Variants in COL15A1 observed in about 807,000 individuals in gnomAD.
COL15A1 encodes the protein collagen alpha-1(XV) chain.
A neutral mutation model predicts 165.9 loss-of-function variants in COL15A1; 111 were observed. The ratio of observed to expected loss-of-function variants is 0.67; its 90% confidence interval spans 0.57 to 0.78. COL15A1 has a LOEUF of 0.78. Among genes scored for constraint, COL15A1 ranks in the 30% least tolerant of loss-of-function variants. The pLI is 0.00. For synonymous variants in COL15A1, 659 were observed against 674.8 expected (o/e 0.98, Z 0.36); for missense variants, 1,745 against 1,789.7 (o/e 0.98, Z 0.45).
chr9:98,995,208 T>G (rs760375067), intron 5 of COL15A1, among the ~76,000 whole-genome samples: 9 of 152,126 alleles, frequency 5.9e-5, no homozygotes, highest in Non-Finnish European at 1.2e-4. Flanking sequence ...TTATCTTCCC[T>G]GCTAGATGAA....
At position 99,015,987 on chromosome 9, in the gene COL15A1, TGAA is replaced by T; in HGVS notation, c.1521_1523del (p.Glu507del). On this transcript the variant is annotated inframe_deletion, in exon 11 of 42. Coordinates refer to ENST00000375001, the MANE Select transcript of COL15A1 (RefSeq NM_001855.5). ...GGTTTTGTTTTCAGGGTCCTGGTGA[TGAA>T]GAAGACTTGGCAGCAGCCACAACAG... The T allele has an allele frequency of 1.2e-6, 2 of 1,613,664 alleles. No homozygotes were observed. Among genetic ancestry groups the T allele is most frequent in the South Asian group, 1.1e-5 (1 of 91,018 alleles).
At position 99,015,555 on chromosome 9, in the gene COL15A1, G is replaced by A. The variant is rs1187447712; in HGVS notation, c.1492G>A (p.Ala498Thr). ...PLTATMAPER[A>T]VTSGPGDEED... ...CACAGCCACCATGGCCCCTGAGCGG[G>A]CAGTCACTTCTGTAAGTGTCATCTT... is the stretch of plus-strand genomic sequence containing the variant. Residue 498 changes from alanine to threonine, a missense_variant, in exon 10 of 42, where the codon GCA becomes ACA. Transcript: ENST00000375001. 3 of 1,613,568 alleles carry A rather than the reference G, an allele frequency of 1.9e-6. No homozygotes were observed. The highest frequency in any genetic ancestry group is 1.7e-4 in the Middle Eastern group (1 of 5,902).
In COL15A1 at chr9:98,983,608, G is replaced by A. The variant is rs117678170; in HGVS notation, c.101-1957G>A. Reference sequence around the variant, plus strand: ...CTTTATAAGGGAGCTCAAGGGCACAGAGGCAGGCTCCCATGTCAGCCTCAC... The same window carrying A: ...CTTTATAAGGGAGCTCAAGGGCACAAAGGCAGGCTCCCATGTCAGCCTCAC... On this transcript the variant is annotated intron_variant, in intron 2 of 41. Coordinates refer to ENST00000375001, the MANE Select transcript of COL15A1 (RefSeq NM_001855.5). Among the ~76,000 whole-genome samples the A allele has an allele frequency of 3.2e-3, 482 of 152,324 alleles. 1 individual carries two copies. The highest frequency in any genetic ancestry group is 5.7e-3 in the Non-Finnish European group (389 of 68,024).
chr9:98,954,992 AT>A, intron 2 of COL15A1, among the ~76,000 whole-genome samples: 1 of 152,310 alleles, frequency 6.6e-6, no homozygotes, highest in East Asian at 1.9e-4. Context: ...TTTTCAGGAA[AT>A]TAGAATGTGA....
At position 99,020,403 on chromosome 9, in the gene COL15A1, T is replaced by A; in HGVS notation, c.1662T>A (p.His554Gln). 7 of 1,613,430 alleles carry A rather than the reference T, an allele frequency of 4.3e-6. No individual in the cohort carries two copies. Among genetic ancestry groups the A allele is most frequent in the South Asian group, 1.1e-5 (1 of 91,078 alleles). ...ERWITPAQRE[H>Q]VGMKGQAGPK... The stretch of plus-strand genomic sequence containing the variant: ...TCTTCTTTTAGGCTCAAAGAGAACA[T>A]GTGGGAATGAAAGGACAGGCTGGGC... The change falls in exon 12 of 42, where the codon CAT (histidine) becomes CAA (glutamine). Residue 554 changes from histidine to glutamine, a missense_variant. Physicochemically the swap from His to Gln is conservative, Grantham distance 24. Coordinates refer to ENST00000375001, the MANE Select transcript of COL15A1 (RefSeq NM_001855.5).
chr9:99,017,676 G>A (rs978624803), intron 11 of COL15A1, among the ~76,000 whole-genome samples: 19 of 152,076 alleles, frequency 1.2e-4, no homozygotes, highest in African/African-American at 4.3e-4. Context: ...GGATTGACCC[G>A]CTCATGCACT....
intron 4 of COL15A1, among the ~76,000 whole-genome samples, chr9:98,988,272 G>A (rs988977146): frequency 1.3e-5 from 2 of 152,350 alleles, no homozygotes; most frequent in Non-Finnish European, 2.9e-5. Context: ...TGTTCCATGA[G>A]CCAGTGGTCC....
chr9:98,963,531 T>C (rs946606570), intron 2 of COL15A1, among the ~76,000 whole-genome samples: 1 of 152,202 alleles, frequency 6.6e-6, no homozygotes, highest in African/African-American at 2.4e-5. Flanking sequence ...CATTTTGAAA[T>C]TCCCCAGTGC....
At chr9:98,968,317 C>T (rs1837989965) in intron 2 of COL15A1, among the ~76,000 whole-genome samples, 1 of 152,198 alleles carries the variant, frequency 6.6e-6, no homozygotes, top group East Asian at 1.9e-4. Flanking sequence ...AACTGAGTGG[C>T]TTAAAACAGT....
At position 99,040,740 on chromosome 9, in the gene COL15A1, A is replaced by G. The variant is rs1839387695; in HGVS notation, c.2511+184A>G. 4 of 1,057,150 alleles carry G rather than the reference A, an allele frequency of 3.8e-6. No individual in the cohort carries two copies. In the African/African-American group the frequency reaches 4.8e-5, roughly 13 times the overall value. The allele number at this position is 1,057,150 out of a possible 1,614,324, so 65.5% of individuals were successfully genotyped here. A position where few individuals can be genotyped will look rare whatever the true frequency, so the allele number is the denominator to read the frequency against. On this transcript the variant is annotated intron_variant, in intron 23 of 41. Coordinates refer to ENST00000375001, the MANE Select transcript of COL15A1 (RefSeq NM_001855.5). Reference sequence around the variant, plus strand: ...TGCCATGTTGCCCAGGCTGGTCTGGAACTCCTGAGCTCAAGAAATCCATCT... The same window carrying G: ...TGCCATGTTGCCCAGGCTGGTCTGGGACTCCTGAGCTCAAGAAATCCATCT...
Position 99,036,331 on chromosome 9 carries a change from G to A in COL15A1, c.2344G>A (p.Gly782Arg). ...TGACCAGGGAGAAAGGGGGATGGATGGAGCCAGTATTGTGGGACCCCCTGG... is the reference window on the plus strand; with the variant it reads ...TGACCAGGGAGAAAGGGGGATGGATAGAGCCAGTATTGTGGGACCCCCTGG... ...RGPKGERGMD[G>R]ASIVGPPGPR... The change falls in exon 21 of 42, where the codon GGA (glycine) becomes AGA (arginine). Residue 782 changes from glycine (G) to arginine (R), a missense_variant. Gly to Arg is a moderately radical substitution (Grantham distance 125). Transcript: ENST00000375001. 1.2e-6 allele frequency: 2 copies of A among 1,614,148 alleles called. No homozygotes were observed. The highest frequency in any genetic ancestry group is 2.2e-5 in the East Asian group (1 of 44,872).
chr9:98,973,481 T>C (rs1025225732), intron 2 of COL15A1, among the ~76,000 whole-genome samples: 4 of 152,222 alleles, frequency 2.6e-5, no homozygotes, highest in African/African-American at 9.6e-5. Flanking sequence ...CAGTTCTTTT[T>C]TAAGAAATGC....
At position 98,961,169 on chromosome 9, in the gene COL15A1, G is replaced by A. The variant is rs950914452; in HGVS notation, c.100+16919G>A. ...TTGTTTACCCACTTTTATGTAATAT[G>A]TATTGACTGTTCTCTGAATACAAGC... On this transcript the variant is annotated intron_variant, in intron 2 of 41. Transcript: ENST00000375001. Among the ~76,000 whole-genome samples the A allele has an allele frequency of 7.9e-5, 12 of 152,192 alleles. 1 individual carries two copies. Among genetic ancestry groups the A allele is most frequent in the Admixed American group, 7.9e-4 (12 of 15,286 alleles).
At position 99,015,874 on chromosome 9, in the gene COL15A1, G is replaced by A. The variant is rs557960648; in HGVS notation, c.1504-102G>A. 377 of 1,393,780 alleles carry A rather than the reference G, an allele frequency of 2.7e-4. 3 individuals carry two copies. The African/African-American group carries it at 4.8e-3, about 18-fold the overall frequency. The allele number at this position is 1,393,780 out of a possible 1,614,324, so 86.3% of individuals were successfully genotyped here. A position where few individuals can be genotyped will look rare whatever the true frequency, so the allele number is the denominator to read the frequency against. On this transcript the variant is annotated intron_variant, in intron 10 of 41. Transcript: ENST00000375001. ...GGTAACGATGATCGTAGGTAAGAAC[G>A]TGCTTTGAAACTGGGCTGGCACCAC...
rs1839463604 is a variant in COL15A1, at chr9:99,044,564, G to T, written c.2575-4G>T. On this transcript the variant is annotated splice_polypyrimidine_tract_variant and splice_region_variant and intron_variant, in intron 24 of 41. Transcript: ENST00000375001. ...ACTTCATTGAGATGTTCTCTGAATT[G>T]CAGGGCGAGAAGGGAGAGCCGGGTG... 1 of 1,613,890 alleles carries T rather than the reference G, an allele frequency of 6.2e-7. No individual in the cohort carries two copies. Among genetic ancestry groups the T allele is most frequent in the Non-Finnish European group, 8.5e-7 (1 of 1,179,912 alleles).
intron 39 of COL15A1, among the ~76,000 whole-genome samples, chr9:99,063,352 C>A (rs911535945): frequency 1.3e-5 from 2 of 152,048 alleles, no homozygotes; most frequent in African/African-American, 4.8e-5. Flanking sequence ...AAACTAAGAC[C>A]CAAAGGACAG....
intron 9 of COL15A1, among the ~76,000 whole-genome samples, chr9:99,011,167 T>C (rs901658183): frequency 3.3e-5 from 5 of 152,214 alleles, no homozygotes; most frequent in African/African-American, 1.2e-4. Flanking sequence ...TGTAATTTAT[T>C]AAGAGTAAAG....
chr9:98,992,255 A>G (rs969991778), intron 5 of COL15A1, among the ~76,000 whole-genome samples: 6 of 152,232 alleles, frequency 3.9e-5, no homozygotes, highest in African/African-American at 1.4e-4. Flanking sequence ...GCCCTGCGGG[A>G]AGGCGGCTGA....
At chr9:99,040,684 T>C in intron 23 of COL15A1, 128 bp downstream of exon 23, 1 of 1,539,642 alleles carries the variant, frequency 6.5e-7, no homozygotes, top group South Asian at 1.2e-5. Flanking sequence ...TCATTAACTT[T>C]TTCTTGATAT....
Sources: allele counts gnomAD v4.1 joint callset (sites outside exome capture counted in the v4.1 genomes callset), GRCh38; gene constraint gnomAD v4.1.1; transcripts MANE v1.5; gene names NCBI Gene and HGNC (gene_info 2026-07-23, HGNC 2026-07-21).